BICD1: variants seen among roughly 807,000 people sequenced by gnomAD.
The protein encoded by BICD1 is BICD cargo adaptor 1, also known as protein bicaudal D homolog 1.
In BICD1, 35 loss-of-function variants were observed where a neutral mutation model predicts 92.5. The observed-to-expected ratio is 0.38, with a 90% confidence interval of 0.29 to 0.50. BICD1 has a LOEUF of 0.50. Among genes scored for constraint, BICD1 ranks in the 20% least tolerant of loss-of-function variants. BICD1 has a pLI of 0.93. For missense variants in BICD1, 950 were observed against 1,189.8 expected (o/e 0.80, Z 2.97); for synonymous variants, 429 against 465.1 (o/e 0.92, Z 1.00).
At chr12:32,326,759 T>C (rs971754930) in intron 4 of BICD1, among the ~76,000 whole-genome samples, 2 of 152,158 alleles carry the variant, frequency 1.3e-5, no homozygotes, top group African/African-American at 4.8e-5. Context: ...GGTGCATACC[T>C]GTAGTCCCAG....
At chr12:32,267,144 A>G (rs1194874035) in intron 2 of BICD1, among the ~76,000 whole-genome samples, 2 of 152,214 alleles carry the variant, frequency 1.3e-5, no homozygotes, top group East Asian at 1.9e-4. Context: ...AGGTGTTACC[A>G]TGCAATCGAA....
intron 2 of BICD1, among the ~76,000 whole-genome samples, chr12:32,263,964 G>GTAGAGTAGTT (rs1300609308): frequency 6.6e-6 from 1 of 152,174 alleles, no homozygotes; most frequent in Non-Finnish European, 1.5e-5. Context: ...ACATCTGCAA[G>GTAGAGTAGTT]TAGAGTAGTT....
At position 32,305,682 on chromosome 12, in the gene BICD1, T is replaced by A. The variant is rs1183641223; in HGVS notation, c.580-15T>A. ...ATTTTAGTTTTATGAATCTTCTTTA[T>A]CCTGTCTGATTCAGGTTGAATACGA... On this transcript the variant is annotated splice_polypyrimidine_tract_variant and intron_variant, in intron 3 of 9. Transcript: ENST00000652176. 1 of 1,588,410 alleles carries A rather than the reference T, an allele frequency of 6.3e-7. No homozygotes were observed. Among genetic ancestry groups the A allele is most frequent in the East Asian group, 2.2e-5 (1 of 44,676 alleles).
In BICD1 at chr12:32,324,700, C is replaced by T. The variant is rs145009372; in HGVS notation, c.1006-2761C>T. On this transcript the variant is annotated intron_variant, in intron 4 of 9. Coordinates refer to ENST00000652176, the MANE Select transcript of BICD1 (RefSeq NM_001714.4). ...AGGCAATTCTCCTGCCTCAGCCTCC[C>T]CAGTAGCTGGGATTACAGGTGCGTG... is the stretch of plus-strand genomic sequence containing the variant. 2.5e-3 allele frequency among the ~76,000 whole-genome samples: 381 copies of T among 152,146 alleles called. 2 individuals are homozygous for T. Among genetic ancestry groups the T allele is most frequent in the African/African-American group, 8.0e-3 (333 of 41,486 alleles).
At chr12:32,291,509 G>C (rs572937809) in intron 2 of BICD1, among the ~76,000 whole-genome samples, 1 of 148,898 alleles carries the variant, frequency 6.7e-6, no homozygotes, top group Admixed American at 6.8e-5. Flanking sequence ...CTGGGCAACA[G>C]AGCAAGACCC....
chr12:32,336,295 A>G (rs1346404300), intron 6 of BICD1, among the ~76,000 whole-genome samples: 2 of 152,200 alleles, frequency 1.3e-5, no homozygotes, highest in African/African-American at 4.8e-5. Context: ...CCAAATGTAT[A>G]TGTGCCAGGT....
chr12:32,165,678 G>A (rs1182762478), intron 1 of BICD1, among the ~76,000 whole-genome samples: 1 of 86,232 alleles, frequency 1.2e-5, no homozygotes, highest in African/African-American at 4.5e-5. Flanking sequence ...GCCAGACTCT[G>A]TCTCAAAAAA....
intron 1 of BICD1, among the ~76,000 whole-genome samples, chr12:32,119,256 G>T (rs1420073037): frequency 6.6e-6 from 1 of 152,196 alleles, no homozygotes; most frequent in African/African-American, 2.4e-5. Context: ...TTGCCTACTG[G>T]ATTTTTCTAA....
At chr12:32,182,297 T>TTTTTTTTTTTTTTTTTA in intron 1 of BICD1, among the ~76,000 whole-genome samples, 1 of 143,864 alleles carries the variant, frequency 7.0e-6, no homozygotes, top group African/African-American at 2.5e-5. Context: ...TTTTTTTTTT[T>TTTTTTTTTTTTTTTTTA]TTTGAGACAC....
At position 32,159,632 on chromosome 12, in the gene BICD1, G is replaced by T. The variant is rs571734052; in HGVS notation, c.213+52088G>T. On this transcript the variant is annotated intron_variant, in intron 1 of 9. Transcript: ENST00000652176. The stretch of plus-strand genomic sequence containing the variant: ...GCAGAGAGAATCAGTTCGCCAGCAG[G>T]TGCGATTCTGGAATTGTTTGGCTGC... Among the ~76,000 whole-genome samples the T allele has an allele frequency of 2.0e-5, 3 of 152,284 alleles. No homozygotes were observed. In the South Asian group the frequency reaches 6.2e-4, roughly 32 times the overall value.
chr12:32,281,738 TG>T (rs772031386), intron 2 of BICD1, among the ~76,000 whole-genome samples: 4 of 152,066 alleles, frequency 2.6e-5, no homozygotes, highest in Non-Finnish European at 4.4e-5. Context: ...ATATGAAATA[TG>T]TCTGTACCCT....
intron 1 of BICD1, among the ~76,000 whole-genome samples, chr12:32,137,069 G>A (rs1024508745): frequency 2.0e-5 from 3 of 151,976 alleles, no homozygotes; most frequent in Admixed American, 6.6e-5. Flanking sequence ...TTTAAGTTAG[G>A]TTTTTTTGTT....
intron 1 of BICD1, among the ~76,000 whole-genome samples, chr12:32,215,746 G>A (rs1305280624): frequency 2.0e-5 from 3 of 151,486 alleles, no homozygotes; most frequent in Non-Finnish European, 2.9e-5. Flanking sequence ...TCAGGGGATC[G>A]AAACCATCCT....
chr12:32,284,017 C>G (rs563623995), intron 2 of BICD1, among the ~76,000 whole-genome samples: 1 of 152,376 alleles, frequency 6.6e-6, no homozygotes, highest in East Asian at 1.9e-4. Flanking sequence ...CCTCCCTCTA[C>G]CCCGAAACTT....
Position 32,117,705 on chromosome 12 carries a change from T to TACACACACACAC in BICD1, c.213+10162_213+10163insCACACACACACA, listed in dbSNP as rs1187433090. ...TCATATATATATATATATACACAAA[T>TACACACACACAC]ATATATACACACACACACACACACA... On this transcript the variant is annotated intron_variant, in intron 1 of 9. Transcript: ENST00000652176. Among the ~76,000 whole-genome samples the TACACACACACAC allele has an allele frequency of 8.9e-3, 758 of 84,994 alleles. 5 individuals are homozygous for TACACACACACAC. Among genetic ancestry groups the TACACACACACAC allele is most frequent in the Admixed American group, 0.012 (84 of 6,896 alleles). 55.8% of individuals were successfully genotyped at this position (84,994 alleles called of 152,430 possible).
intron 2 of BICD1, chr12:32,227,699 C>T: frequency 6.1e-6 from 1 of 163,208 alleles, no homozygotes. Flanking sequence ...ATTCCATTGG[C>T]AACTGGCAGA....
chr12:32,208,664 C>T (rs1013035896), intron 1 of BICD1, among the ~76,000 whole-genome samples: 2 of 152,098 alleles, frequency 1.3e-5, no homozygotes, highest in African/African-American at 4.8e-5. Flanking sequence ...CCTGTGAGCT[C>T]TTCTTTTCTA....
At chr12:32,168,433 A>G (rs1300629466) in intron 1 of BICD1, among the ~76,000 whole-genome samples, 6 of 151,922 alleles carry the variant, frequency 3.9e-5, no homozygotes, top group African/African-American at 9.7e-5. Context: ...ATGGAAGCCA[A>G]CTGCTCAGTG....
At chr12:32,255,944 T>A (rs1401703571) in intron 2 of BICD1, among the ~76,000 whole-genome samples, 2 of 151,826 alleles carry the variant, frequency 1.3e-5, no homozygotes, top group Non-Finnish European at 2.9e-5. Flanking sequence ...ATATTAATGA[T>A]AATATTATTA....
Sources: gnomAD v4.1 joint callset for allele counts (sites outside exome capture counted in the v4.1 genomes callset) on GRCh38, gnomAD v4.1.1 for gene constraint, MANE v1.5 for transcripts, NCBI Gene and HGNC (gene_info 2026-07-23, HGNC 2026-07-21) for gene names.